RSRC1: variants seen among roughly 807,000 people sequenced by gnomAD.
The protein encoded by RSRC1 is serine/Arginine-related protein 53.
In RSRC1, 39 loss-of-function variants were observed where a neutral mutation model predicts 49.1. The ratio of observed to expected loss-of-function variants is 0.79; its 90% CI spans 0.61 to 1.04. The LOEUF (loss-of-function observed/expected upper bound fraction) is 1.04, where lower values mean the gene tolerates loss of function less well. Among genes scored for constraint, RSRC1 ranks in the 50% least tolerant of loss-of-function variants. The pLI, the probability that RSRC1 is intolerant of heterozygous loss-of-function variation, is 0.00. For missense variants in RSRC1, 388 were observed against 402.4 expected (o/e 0.96, Z 0.31); for synonymous variants, 143 against 130.8 (o/e 1.09, Z -0.63).
intron 6 of RSRC1, among the ~76,000 whole-genome samples, chr3:158,428,036 G>A (rs1293577104): frequency 1.3e-5 from 2 of 151,872 alleles, no homozygotes; most frequent in African/African-American, 2.4e-5. Flanking sequence ...TGAAACCACA[G>A]ATAGGAAAGC....
At chr3:158,318,556 T>C (rs574087601) in intron 5 of RSRC1, among the ~76,000 whole-genome samples, 1 of 152,176 alleles carries the variant, frequency 6.6e-6, no homozygotes, top group Non-Finnish European at 1.5e-5. Flanking sequence ...TTGCCTCATA[T>C]GTGTTCACAA....
At chr3:158,187,087 A>G (rs1051936652) in intron 3 of RSRC1, among the ~76,000 whole-genome samples, 1 of 151,958 alleles carries the variant, frequency 6.6e-6, no homozygotes, top group Non-Finnish European at 1.5e-5. Context: ...TTTCAGTTTT[A>G]TCACTCATTG....
At chr3:158,429,957 C>G (rs1735686159) in intron 6 of RSRC1, among the ~76,000 whole-genome samples, 1 of 151,594 alleles carries the variant, frequency 6.6e-6, no homozygotes, top group African/African-American at 2.4e-5. Context: ...CTCTAGAGAT[C>G]TGCTGTAAGG....
At chr3:158,353,437 TC>T (rs1429549017) in intron 5 of RSRC1, among the ~76,000 whole-genome samples, 2 of 152,206 alleles carry the variant, frequency 1.3e-5, no homozygotes, top group Non-Finnish European at 2.9e-5. Context: ...GTTGAGTTGA[TC>T]ACAAAAGCCA....
chr3:158,453,019 ACTTG>A (rs993893865), intron 6 of RSRC1, among the ~76,000 whole-genome samples: 3 of 152,140 alleles, frequency 2.0e-5, no homozygotes, highest in Non-Finnish European at 4.4e-5. Flanking sequence ...TGGTTATTTA[ACTTG>A]CTTTTTTATT....
chr3:158,373,006 A>T (rs978394815), intron 6 of RSRC1, among the ~76,000 whole-genome samples: 1 of 151,860 alleles, frequency 6.6e-6, no homozygotes, highest in Non-Finnish European at 1.5e-5. Context: ...CATTGTTGGT[A>T]TATAGAAATA....
chr3:158,253,293 A>T lies in RSRC1; in HGVS notation c.495-44746A>T, dbSNP rs765246187. On this transcript the variant is annotated intron_variant, in intron 4 of 9. Coordinates refer to ENST00000611884, the MANE Select transcript of RSRC1 (RefSeq NM_001271838.2). Reference sequence around the variant, plus strand: ...TTTCCATTTTTATTTGTTTCTTGAAATTTTTTTATTTTTCTCCTTAATTTC... The same window carrying T: ...TTTCCATTTTTATTTGTTTCTTGAATTTTTTTTATTTTTCTCCTTAATTTC... Among the ~76,000 whole-genome samples, 4 of 151,784 alleles carry T rather than the reference A, an allele frequency of 2.6e-5. No individual in the cohort carries two copies. The East Asian group carries it at 7.7e-4, about 29-fold the overall frequency.
chr3:158,371,270 C>T (rs1039577798), intron 6 of RSRC1, among the ~76,000 whole-genome samples: 1 of 151,804 alleles, frequency 6.6e-6, no homozygotes, highest in Admixed American at 6.6e-5. Flanking sequence ...CAGCAAAATG[C>T]ACCTTTTTTA....
At chr3:158,381,431 G>A (rs1732690058) in intron 6 of RSRC1, among the ~76,000 whole-genome samples, 1 of 152,158 alleles carries the variant, frequency 6.6e-6, no homozygotes, top group African/African-American at 2.4e-5. Context: ...ATCTCTCGCA[G>A]TTCTTGCATA....
At chr3:158,515,539 C>T (rs1396457387) in intron 7 of RSRC1, among the ~76,000 whole-genome samples, 30 of 135,604 alleles carry the variant, frequency 2.2e-4, no homozygotes, top group African/African-American at 8.3e-4. Flanking sequence ...ACATTTTTTC[C>T]TTCATTTCAA....
chr3:158,267,476 A>G (rs1271398258), intron 4 of RSRC1, among the ~76,000 whole-genome samples: 1 of 151,936 alleles, frequency 6.6e-6, no homozygotes, highest in East Asian at 1.9e-4. Context: ...GGTGGACCTT[A>G]CACATATGTT....
rs1723353176 is a variant in RSRC1 at position 158,238,260 on chromosome 3, A to G, written c.494+35015A>G. On this transcript the variant is annotated intron_variant, in intron 4 of 9. Coordinates refer to ENST00000611884, the MANE Select transcript of RSRC1 (RefSeq NM_001271838.2). ...AGAACATTCCATGCTCATGGATAGA[A>G]GAATCAATATCGTGAAAATGGCCAC... is the stretch of plus-strand genomic sequence containing the variant. Among the ~76,000 whole-genome samples, 3 of 152,242 alleles carry G rather than the reference A, an allele frequency of 2.0e-5. No individual in the cohort carries two copies. The South Asian group carries it at 6.2e-4, about 32-fold the overall frequency.
chr3:158,514,254 A>C (rs1377922803), intron 7 of RSRC1, among the ~76,000 whole-genome samples: 7 of 152,114 alleles, frequency 4.6e-5, no homozygotes, highest in Non-Finnish European at 1.0e-4. Flanking sequence ...GTGGGCATTT[A>C]GTGCTGTAAA....
At chr3:158,425,769 T>G (rs996654924) in intron 6 of RSRC1, among the ~76,000 whole-genome samples, 1 of 151,780 alleles carries the variant, frequency 6.6e-6, no homozygotes, top group Non-Finnish European at 1.5e-5. Flanking sequence ...GGGTGCTCCT[T>G]TATTGGGTGC....
At chr3:158,456,050 CT>C (rs1382840539) in intron 6 of RSRC1, among the ~76,000 whole-genome samples, 1 of 143,608 alleles carries the variant, frequency 7.0e-6, no homozygotes, top group Non-Finnish European at 1.5e-5. Flanking sequence ...TTTCTAAATC[CT>C]TTTCGTTCAT....
chr3:158,148,137 C>T (rs939095654), intron 3 of RSRC1, among the ~76,000 whole-genome samples: 1 of 151,954 alleles, frequency 6.6e-6, no homozygotes, highest in African/African-American at 2.4e-5. Flanking sequence ...GATTATAAAC[C>T]CCAGGAACTT....
intron 4 of RSRC1, chr3:158,276,040 T>G (rs918297258): frequency 1.2e-6 from 1 of 852,332 alleles, no homozygotes; most frequent in Non-Finnish European, 2.0e-6. Context: ...CTCAAAAAAT[T>G]TCTATGTGGG....
chr3:158,314,047 G>C (rs1728266348), intron 5 of RSRC1, among the ~76,000 whole-genome samples: 1 of 152,170 alleles, frequency 6.6e-6, no homozygotes, highest in Non-Finnish European at 1.5e-5. Flanking sequence ...TAGCAGTCCT[G>C]TTTGTTACGA....
chr3:158,315,222 T>C (rs1728362454), intron 5 of RSRC1, among the ~76,000 whole-genome samples: 4 of 152,136 alleles, frequency 2.6e-5, no homozygotes. Flanking sequence ...TTGGAGTACA[T>C]GCACATATAT....
Sources: allele counts gnomAD v4.1 joint callset (sites outside exome capture counted in the v4.1 genomes callset), GRCh38; gene constraint gnomAD v4.1.1; transcripts MANE v1.5; gene names NCBI Gene and HGNC (gene_info 2026-07-23, HGNC 2026-07-21).